The following DHX35 variants were observed in gnomAD, a reference collection of about 807,000 sequenced individuals.
The protein encoded by DHX35 is DEAH-box helicase 35.
Under a neutral mutation model 99.6 loss-of-function variants are expected in DHX35, and 84 were observed. The observed-to-expected ratio is 0.84, with a 90% confidence interval of 0.71 to 1.01. The LOEUF (loss-of-function observed/expected upper bound fraction) is 1.01, where lower values mean the gene tolerates loss of function less well. DHX35 is among the 50% of genes least tolerant of loss of function. The probability of loss-of-function intolerance (pLI) is 0.00; values close to 1 mark genes in which losing one functional copy is unlikely to be tolerated. For missense variants in DHX35, 852 were observed against 888.5 expected (o/e 0.96, Z 0.52); for synonymous variants, 331 against 316.2 (o/e 1.05, Z -0.50).
At chr20:39,014,787 A>G (rs1376385936) in intron 13 of DHX35, 93 bp from the exon 14 acceptor site, 2 of 1,461,478 alleles carry the variant, frequency 1.4e-6, no homozygotes, top group South Asian at 1.1e-5. Flanking sequence ...GGGGCATGTT[A>G]GAGGGGAGAA....
chr20:38,977,588 TA>T, intron 3 of DHX35: 1 of 303,000 alleles, frequency 3.3e-6, no homozygotes, highest in Non-Finnish European at 6.3e-6. Flanking sequence ...GTTCCATCTT[TA>T]AAAATGAAAC....
At chr20:38,990,466 A>T (rs7268492) in intron 5 of DHX35, among the ~76,000 whole-genome samples, 2 of 151,782 alleles carry the variant, frequency 1.3e-5, no homozygotes, top group African/African-American at 4.8e-5. Flanking sequence ...CTTAAACACT[A>T]CTCTGTCCTA....
At chr20:39,026,561 G>A (rs1012736289) in intron 18 of DHX35, among the ~76,000 whole-genome samples, 3 of 152,146 alleles carry the variant, frequency 2.0e-5, no homozygotes, top group Non-Finnish European at 4.4e-5. Flanking sequence ...AAGGAATGCC[G>A]GGAAGAAGGA....
intron 14 of DHX35, 42 bp from the exon 15 acceptor site, chr20:39,018,762 A>G (rs777390323): frequency 4.4e-6 from 7 of 1,587,566 alleles, no homozygotes; most frequent in South Asian, 1.1e-5. Flanking sequence ...TTCCAACACA[A>G]TGGTACCTGC....
At chr20:38,988,687 C>G (rs770125781) in intron 4 of DHX35, 126 bp from the exon 5 acceptor site, 37 of 1,324,204 alleles carry the variant, frequency 2.8e-5, no homozygotes, top group Non-Finnish European at 3.4e-5. Context: ...AATAACTTGT[C>G]TCTTTTCATT....
At chr20:39,001,692 T>A (rs1336062195) in intron 8 of DHX35, 38 bp from the exon 9 acceptor site, 1 of 1,531,226 alleles carries the variant, frequency 6.5e-7, no homozygotes, top group Non-Finnish European at 8.9e-7. Context: ...GAACCTTTTT[T>A]TCTAAGAGAA....
Position 38,968,879 on chromosome 20 carries a change from T to G in DHX35, c.41-202T>G, listed in dbSNP as rs80279978. On this transcript the variant is annotated intron_variant, in intron 1 of 21. Transcript: ENST00000252011. ...GTCTTGTTTGTTTTTGACACTGCAG[T>G]GAAGCTTTTAGGGAAGATTTTTAGT... is the stretch of plus-strand genomic sequence containing the variant. Among the ~76,000 whole-genome samples the G allele has an allele frequency of 0.033, 5,077 of 152,284 alleles. 359 individuals are homozygous for G. The highest frequency in any genetic ancestry group is 0.33 in the East Asian group (1,713 of 5,170).
intron 18 of DHX35, among the ~76,000 whole-genome samples, chr20:39,026,711 G>C (rs1335325224): frequency 1.3e-5 from 2 of 152,146 alleles, no homozygotes; most frequent in Non-Finnish European, 2.9e-5. Context: ...CAAGTGCTTG[G>C]AGTGAGGAGT....
intron 11 of DHX35, among the ~76,000 whole-genome samples, chr20:39,005,301 T>C (rs1243770427): frequency 6.6e-6 from 1 of 152,182 alleles, no homozygotes; most frequent in Non-Finnish European, 1.5e-5. Context: ...AGACCACATA[T>C]GATTGCATAT....
At chr20:38,988,940 C>T in intron 5 of DHX35, 23 bp downstream of exon 5, 1 of 1,606,096 alleles carries the variant, frequency 6.2e-7, no homozygotes, top group Non-Finnish European at 8.5e-7. Flanking sequence ...AGCTGCTTTT[C>T]CTAGTGGAAA....
intron 1 of DHX35, among the ~76,000 whole-genome samples, chr20:38,966,495 C>T (rs1476940406): frequency 6.6e-6 from 1 of 152,194 alleles, no homozygotes; most frequent in Non-Finnish European, 1.5e-5. Flanking sequence ...CATGGTGTGA[C>T]CCTGTCTCTA....
chr20:38,963,841 C>G (rs186632349), intron 1 of DHX35, among the ~76,000 whole-genome samples: 171 of 152,268 alleles, frequency 1.1e-3, no homozygotes, highest in Middle Eastern at 6.8e-3. Flanking sequence ...TAGATGTCCT[C>G]TAGAAGAGAT....
intron 20 of DHX35, among the ~76,000 whole-genome samples, chr20:39,033,425 C>A (rs57993460): frequency 0.17 from 26,600 of 152,072 alleles, 2,422 homozygotes; most frequent in Middle Eastern, 0.32. Flanking sequence ...TGAAGCCATG[C>A]CATACCATTC....
intron 3 of DHX35, among the ~76,000 whole-genome samples, chr20:38,977,411 A>G (rs1016155506): frequency 5.9e-5 from 9 of 152,162 alleles, no homozygotes; most frequent in African/African-American, 2.2e-4. Context: ...AGAAATGTCT[A>G]TTCAGGTCTT....
At chr20:39,006,464 C>G in intron 12 of DHX35, 108 bp downstream of exon 12, 1 of 1,209,828 alleles carries the variant, frequency 8.3e-7, no homozygotes, top group Non-Finnish European at 1.2e-6. Context: ...AAAATACAGG[C>G]CTTCCTCACA....
At chr20:39,030,682 C>G (rs1318898836) in intron 19 of DHX35, 22 bp from the exon 20 acceptor site, 1 of 1,611,746 alleles carries the variant, frequency 6.2e-7, no homozygotes, top group South Asian at 1.1e-5. Context: ...GTGCTTCAGA[C>G]AAAATTCTTC....
At position 39,028,409 on chromosome 20, in the gene DHX35, C is replaced by T. The variant is rs1644015449; in HGVS notation, c.1802-9C>T. Reference sequence around the variant, plus strand: ...GTTTCACCCGCCTCTCTGTTGGCTGCCTATGTAGGTGACCCGGATCTGGTT... The same window carrying T: ...GTTTCACCCGCCTCTCTGTTGGCTGTCTATGTAGGTGACCCGGATCTGGTT... On this transcript the variant is annotated splice_polypyrimidine_tract_variant and intron_variant, in intron 18 of 21. Transcript: ENST00000252011. 6.2e-7 allele frequency: 1 copy of T among 1,614,144 alleles called. No homozygotes were observed. Among genetic ancestry groups the T allele is most frequent in the Non-Finnish European group, 8.5e-7 (1 of 1,180,014 alleles).
In DHX35 at chr20:39,003,740, C is replaced by T. The variant is rs769336445; in HGVS notation, c.853-9C>T. 4.9e-5 allele frequency: 78 copies of T among 1,600,110 alleles called. No individual in the cohort carries two copies. Among genetic ancestry groups the T allele is most frequent in the Admixed American group, 6.7e-5 (4 of 59,484 alleles). Reference sequence around the variant, plus strand: ...TCGGTTTCTTTGGTTCCTGGTTCAACGTCTTTAGGAAGAGGTAGAAACTGT... The same window carrying T: ...TCGGTTTCTTTGGTTCCTGGTTCAATGTCTTTAGGAAGAGGTAGAAACTGT... On this transcript the variant is annotated splice_polypyrimidine_tract_variant and intron_variant, in intron 10 of 21. Coordinates refer to ENST00000252011, the MANE Select transcript of DHX35 (RefSeq NM_021931.4).
At chr20:38,965,586 C>T (rs2085898400) in intron 1 of DHX35, among the ~76,000 whole-genome samples, 1 of 152,088 alleles carries the variant, frequency 6.6e-6, no homozygotes, top group African/African-American at 2.4e-5. Context: ...CTCAGGTCCA[C>T]CTAATTGTTA....
Sources: allele counts gnomAD v4.1 joint callset (sites outside exome capture counted in the v4.1 genomes callset), GRCh38; gene constraint gnomAD v4.1.1; transcripts MANE v1.5; gene names NCBI Gene and HGNC (gene_info 2026-07-23, HGNC 2026-07-21).